Variants in CHSY3 observed in about 807,000 individuals in gnomAD.
CHSY3 encodes the protein chondroitin sulfate synthase 3, also known as N-acetylgalactosaminyl-proteoglycan 3-beta-glucuronosyltransferase 3.
A neutral mutation model predicts 67.2 loss-of-function variants in CHSY3; 35 were observed. The ratio of observed to expected loss-of-function variants is 0.52; its 90% CI spans 0.40 to 0.69. The LOEUF is 0.69. CHSY3 is among the 30% of genes least tolerant of loss of function. The pLI, the probability that CHSY3 is intolerant of heterozygous loss-of-function variation, is 0.00. For missense variants in CHSY3, 1,069 were observed against 1,138.5 expected (o/e 0.94, Z 0.88); for synonymous variants, 474 against 434.7 (o/e 1.09, Z -1.12).
chr5:130,039,911 G>T (rs1387873513), intron 2 of CHSY3, among the ~76,000 whole-genome samples: 1 of 152,014 alleles, frequency 6.6e-6, no homozygotes, highest in African/African-American at 2.4e-5. Flanking sequence ...TATAGTATTT[G>T]ATTTTCCAGG....
chr5:130,038,769 A>G (rs1764928233), intron 2 of CHSY3, among the ~76,000 whole-genome samples: 1 of 152,030 alleles, frequency 6.6e-6, no homozygotes, highest in Non-Finnish European at 1.5e-5. Context: ...TCTGCACTGC[A>G]CTACAAAATA....
chr5:130,032,144 A>T (rs901053163), intron 2 of CHSY3, among the ~76,000 whole-genome samples: 2 of 152,144 alleles, frequency 1.3e-5, no homozygotes, highest in African/African-American at 4.8e-5. Flanking sequence ...TGGGTTTGGA[A>T]TGTATCTGTT....
chr5:129,911,008 C>T (rs114231831), intron 2 of CHSY3, among the ~76,000 whole-genome samples: 1,590 of 146,424 alleles, frequency 0.011, 21 homozygotes, highest in African/African-American at 0.037. Flanking sequence ...GTTTATCCTC[C>T]TAACAAAAGT....
chr5:130,081,324 T>C (rs1766438799), intron 2 of CHSY3, among the ~76,000 whole-genome samples: 1 of 150,028 alleles, frequency 6.7e-6, no homozygotes, highest in Admixed American at 6.6e-5. Flanking sequence ...GGTGTGTGTG[T>C]TGGTGGGGTG....
At chr5:130,027,312 G>A (rs1764574572) in intron 2 of CHSY3, among the ~76,000 whole-genome samples, 1 of 152,016 alleles carries the variant, frequency 6.6e-6, no homozygotes, top group African/African-American at 2.4e-5. Context: ...TAGCTAGGAG[G>A]AAGAATAGCC....
intron 2 of CHSY3, among the ~76,000 whole-genome samples, chr5:130,115,872 G>A (rs1011175275): frequency 3.3e-5 from 5 of 152,146 alleles, no homozygotes; most frequent in African/African-American, 7.2e-5. Flanking sequence ...GACTAGCAGC[G>A]GAGGGGAGCC....
At chr5:130,152,883 G>T (rs1182730940) in intron 2 of CHSY3, among the ~76,000 whole-genome samples, 1 of 152,134 alleles carries the variant, frequency 6.6e-6, no homozygotes, top group Non-Finnish European at 1.5e-5. Context: ...TTACTTCTGT[G>T]TACATCATCT....
intron 2 of CHSY3, among the ~76,000 whole-genome samples, chr5:130,128,863 T>C (rs914110147): frequency 3.3e-5 from 5 of 152,070 alleles, no homozygotes; most frequent in Non-Finnish European, 7.4e-5. Flanking sequence ...GTTAAAATAT[T>C]TCTGTAATGA....
intron 2 of CHSY3, among the ~76,000 whole-genome samples, chr5:130,161,112 G>T (rs1209014512): frequency 2.6e-5 from 4 of 151,736 alleles, no homozygotes; most frequent in African/African-American, 9.7e-5. Context: ...CATCATGTTA[G>T]CCAGGATGGT....
At chr5:130,140,031 A>T in intron 2 of CHSY3, 1 of 158,374 alleles carries the variant, frequency 6.3e-6, no homozygotes, top group South Asian at 1.9e-4. Flanking sequence ...GCAAGCAAAC[A>T]TGTCTAAAGG....
chr5:130,101,576 A>G (rs1767247177), intron 2 of CHSY3, among the ~76,000 whole-genome samples: 1 of 152,130 alleles, frequency 6.6e-6, no homozygotes, highest in Non-Finnish European at 1.5e-5. Flanking sequence ...TACCTCACAT[A>G]CATTTTTGAG....
chr5:130,085,846 TC>T (rs1391431542), intron 2 of CHSY3, among the ~76,000 whole-genome samples: 1 of 152,174 alleles, frequency 6.6e-6, no homozygotes, highest in African/African-American at 2.4e-5. Flanking sequence ...CATCTTTATT[TC>T]TGCCTTCATT....
chr5:130,172,301 CT>C (rs1341313357), intron 2 of CHSY3, among the ~76,000 whole-genome samples: 20 of 112,126 alleles, frequency 1.8e-4, no homozygotes, highest in East Asian at 8.4e-4. Context: ...TTATTTAACT[CT>C]TTTTTTTCTT....
intron 2 of CHSY3, among the ~76,000 whole-genome samples, chr5:130,143,734 GTATATA>G (rs372062970): frequency 3.2e-5 from 3 of 94,658 alleles, no homozygotes; most frequent in South Asian, 4.6e-4. Context: ...GTGTGTGTGT[GTATATA>G]TATATATATA....
chr5:130,098,076 T>A (rs964721734), intron 2 of CHSY3, among the ~76,000 whole-genome samples: 1 of 151,846 alleles, frequency 6.6e-6, no homozygotes, highest in Non-Finnish European at 1.5e-5. Flanking sequence ...TTTTTTCCAA[T>A]GGAAAAAAAA....
intron 2 of CHSY3, among the ~76,000 whole-genome samples, chr5:130,151,390 C>T (rs961070976): frequency 6.6e-6 from 1 of 152,148 alleles, no homozygotes. Context: ...ATCCAATGAA[C>T]AGCATGAACT....
chr5:129,959,645 G>A (rs188047751), intron 2 of CHSY3, among the ~76,000 whole-genome samples: 95 of 152,196 alleles, frequency 6.2e-4, no homozygotes, highest in African/African-American at 2.3e-3. Context: ...AGCTAAAGAA[G>A]CAAGATTATA....
chr5:130,074,102 G>A (rs1050928343), intron 2 of CHSY3, among the ~76,000 whole-genome samples: 4 of 151,460 alleles, frequency 2.6e-5, no homozygotes, highest in African/African-American at 7.3e-5. Context: ...ACAGAGTCTC[G>A]CTCTGTCACC....
chr5:130,053,347 A>G lies in CHSY3; in HGVS notation c.1087-130882A>G, dbSNP rs1765424584. Among the ~76,000 whole-genome samples, 6 of 152,142 alleles carry G rather than the reference A, an allele frequency of 3.9e-5. No homozygotes were observed. The South Asian group carries it at 1.2e-3, about 31-fold the overall frequency. On this transcript the variant is annotated intron_variant, in intron 2 of 2. Transcript: ENST00000305031. ...TAGTTAAAAGTAATAAGGAAGCAAG[A>G]ACTATAATCAAGCAAAAGCTATATA...
Sources: gnomAD v4.1 joint callset for allele counts (sites outside exome capture counted in the v4.1 genomes callset) on GRCh38, gnomAD v4.1.1 for gene constraint, MANE v1.5 for transcripts, NCBI Gene and HGNC (gene_info 2026-07-23, HGNC 2026-07-21) for gene names.